SYNE1: variants seen among roughly 807,000 people sequenced by gnomAD.
SYNE1 encodes the protein nesprin-1.
SYNE1 carries 616 observed loss-of-function variants against 1,111.0 expected under a neutral mutation model. The observed-to-expected ratio is 0.55, with a 90% CI of 0.52 to 0.59. The LOEUF (loss-of-function observed/expected upper bound fraction) is 0.59, where lower values mean the gene tolerates loss of function less well. Among genes scored for constraint, SYNE1 ranks in the 20% least tolerant of loss-of-function variants. The pLI, the probability that SYNE1 is intolerant of heterozygous loss-of-function variation, is 0.00. For synonymous variants in SYNE1, 3,855 were observed against 3,825.8 expected (o/e 1.01, Z -0.28); for missense variants, 10,006 against 10,417.0 (o/e 0.96, Z 1.72).
chr6:152,622,319 G>A (rs1352424306), intron 3 of SYNE1, among the ~76,000 whole-genome samples: 7 of 152,028 alleles, frequency 4.6e-5, no homozygotes, highest in Admixed American at 2.6e-4. Flanking sequence ...ATGTTACATA[G>A]GTAAATTTGT....
At chr6:152,585,091 G>C (rs1467419273) in intron 3 of SYNE1, among the ~76,000 whole-genome samples, 1 of 152,122 alleles carries the variant, frequency 6.6e-6, no homozygotes, top group Non-Finnish European at 1.5e-5. Flanking sequence ...AATAGTGAGT[G>C]AGTTCTCATG....
At chr6:152,473,274 T>C (rs12055686) in intron 14 of SYNE1, among the ~76,000 whole-genome samples, 32,233 of 152,068 alleles carry the variant, frequency 0.21, 3,574 homozygotes, top group East Asian at 0.33. Flanking sequence ...GTGTCACTCA[T>C]TGAAAAAGTA....
intron 137 of SYNE1, chr6:152,145,365 A>G: frequency 1.1e-6 from 1 of 895,878 alleles, no homozygotes; most frequent in East Asian, 2.6e-5. Context: ...GCAGTAAGAG[A>G]GGAAGGCTGT....
At chr6:152,161,315 T>C (rs753487245) in intron 131 of SYNE1, among the ~76,000 whole-genome samples, 28 of 147,090 alleles carry the variant, frequency 1.9e-4, no homozygotes, top group Non-Finnish European at 4.0e-4. Flanking sequence ...TTCTCCTCTC[T>C]ATTTTCTTTA....
chr6:152,437,568 T>G (rs973872746), intron 32 of SYNE1, among the ~76,000 whole-genome samples: 3 of 152,084 alleles, frequency 2.0e-5, no homozygotes, highest in African/African-American at 7.2e-5. Flanking sequence ...ATACTTATTT[T>G]CAACTATTTT....
At chr6:152,581,921 A>C (rs1472226806) in intron 3 of SYNE1, among the ~76,000 whole-genome samples, 1 of 151,788 alleles carries the variant, frequency 6.6e-6, no homozygotes, top group Non-Finnish European at 1.5e-5. Flanking sequence ...TCAGAGCTTG[A>C]CTCTGATAAT....
chr6:152,284,819 C>T (rs952585234), intron 95 of SYNE1, among the ~76,000 whole-genome samples: 1 of 151,934 alleles, frequency 6.6e-6, no homozygotes, highest in Non-Finnish European at 1.5e-5. Flanking sequence ...GATTTTCCCA[C>T]ATTAACCTGT....
intron 8 of SYNE1, among the ~76,000 whole-genome samples, chr6:152,507,040 A>T (rs1453829881): frequency 6.6e-6 from 1 of 152,218 alleles, no homozygotes. Context: ...ATTGTAAAGT[A>T]ATCTTGAATC....
intron 78 of SYNE1, 97 bp downstream of exon 78, chr6:152,329,633 T>C (rs937199505): frequency 3.0e-5 from 45 of 1,506,482 alleles, no homozygotes; most frequent in Admixed American, 3.5e-5. Context: ...GAAAGAAATA[T>C]TTAAAGAAGC....
chr6:152,540,178 G>C (rs12528097), intron 3 of SYNE1, among the ~76,000 whole-genome samples, 157 bp from the exon 4 acceptor site: 1 of 152,016 alleles, frequency 6.6e-6, no homozygotes, highest in African/African-American at 2.4e-5. Context: ...AACAAGAGTC[G>C]ATCTACATAA....
At chr6:152,153,357 C>T (rs1166010500) in intron 133 of SYNE1, among the ~76,000 whole-genome samples, 1 of 152,180 alleles carries the variant, frequency 6.6e-6, no homozygotes, top group African/African-American at 2.4e-5. Flanking sequence ...CACCCATGTC[C>T]ATCCCAAACG....
intron 106 of SYNE1, among the ~76,000 whole-genome samples, chr6:152,244,111 A>G (rs2086479917): frequency 6.6e-6 from 1 of 152,172 alleles, no homozygotes; most frequent in South Asian, 2.1e-4. Flanking sequence ...CTTGCCTTAG[A>G]AAAAAACACT....
At position 152,444,511 on chromosome 6, in the gene SYNE1, T is replaced by A. The variant is rs2098558134; in HGVS notation, c.3737A>T (p.Glu1246Val). The change falls in exon 30 of 146, where the codon GAA becomes GTA. Residue 1246 changes from glutamate to valine, a missense_variant. Around this residue, in one of 7 missense-constraint regions of SYNE1, gnomAD observed 1,971 missense variants for 2,084.1 expected, o/e 0.95. Transcript: ENST00000367255. ...TTCTTTAGAGCCAGAAATTAATTCT[T>A]CGAGAGAATTTTTGACTATTTCTTT... is the stretch of plus-strand genomic sequence containing the variant. ...QYKEIVKNSL[E>V]ELISGSKEVQ... 6.2e-7 allele frequency: 1 copy of A among 1,613,734 alleles called. No individual in the cohort carries two copies. Among genetic ancestry groups the A allele is most frequent in the Admixed American group, 1.7e-5 (1 of 59,988 alleles).
intron 3 of SYNE1, among the ~76,000 whole-genome samples, chr6:152,560,501 T>A (rs577106311): frequency 8.5e-5 from 13 of 152,310 alleles, no homozygotes; most frequent in Admixed American, 7.2e-4. Flanking sequence ...GTGAATTCCA[T>A]CAAACATTTA....
Position 152,435,951 on chromosome 6 carries a change from G to A in SYNE1, c.4300C>T (p.Leu1434Phe). Residue 1434 changes from leucine (L) to phenylalanine (F), a missense_variant, in exon 33 of 146, where the codon CTT (leucine) becomes TTT (phenylalanine). Transcript: ENST00000367255. The part of the protein sequence containing the change: ...KEQVKKLEDT[L>F]EEDIKTMEMV... Reference sequence around the variant, plus strand: ...TTGTCAATCACATACTCTTCTTCAAGCGTGTCTTCTAATTTTTTGACTTGT... The same window carrying A: ...TTGTCAATCACATACTCTTCTTCAAACGTGTCTTCTAATTTTTTGACTTGT... The A allele has an allele frequency of 6.2e-7, 1 of 1,614,110 alleles. No homozygotes were observed. The highest frequency in any genetic ancestry group is 8.5e-7 in the Non-Finnish European group (1 of 1,180,002).
chr6:152,187,830 A>AT (rs1250680838), intron 128 of SYNE1, among the ~76,000 whole-genome samples: 1 of 151,916 alleles, frequency 6.6e-6, no homozygotes, highest in Non-Finnish European at 1.5e-5. Context: ...GGTTCAAGTG[A>AT]TTTTCCTGCC....
In SYNE1 at chr6:152,450,918, C is replaced by A. The variant is rs2098642837; in HGVS notation, c.3187-85G>T. Reference sequence around the variant, plus strand: ...TTCACAGAAAAACCAAAGGAAGATTCCCACGCAGACTACCAAGGTAGAGTA... The same window carrying A: ...TTCACAGAAAAACCAAAGGAAGATTACCACGCAGACTACCAAGGTAGAGTA... On this transcript the variant is annotated intron_variant, in intron 26 of 145. Coordinates refer to ENST00000367255, the MANE Select transcript of SYNE1 (RefSeq NM_182961.4). The A allele has an allele frequency of 3.8e-6, 6 of 1,593,768 alleles. No individual in the cohort carries two copies. The Admixed American group carries it at 1.0e-4, about 27-fold the overall frequency.
intron 87 of SYNE1, among the ~76,000 whole-genome samples, chr6:152,311,593 G>A (rs2095548159): frequency 6.6e-6 from 1 of 152,130 alleles, no homozygotes; most frequent in Non-Finnish European, 1.5e-5. Context: ...TCACATCTGA[G>A]CCCAGTCAGA....
chr6:152,122,561 G>T lies in SYNE1; in HGVS notation c.26269C>A (p.Leu8757Ile). The T allele has an allele frequency of 1.2e-6, 2 of 1,614,214 alleles. No individual in the cohort carries two copies. The highest frequency in any genetic ancestry group is 1.7e-6 in the Non-Finnish European group (2 of 1,180,038). The part of the protein sequence containing the change: ...AALPLQLLLL[L>I]LIGLACLVPM... ...ACAAGGCAGGCAAGCCCGATGAGGAGGAGCAGGAGAAGCTGAAGGGGAAGA... is the reference window on the plus strand; with the variant it reads ...ACAAGGCAGGCAAGCCCGATGAGGATGAGCAGGAGAAGCTGAAGGGGAAGA... Residue 8757 changes from leucine to isoleucine, a missense_variant, in exon 146 of 146, where the codon CTC becomes ATC. Coordinates refer to ENST00000367255, the MANE Select transcript of SYNE1 (RefSeq NM_182961.4).
Sources: allele counts gnomAD v4.1 joint callset (sites outside exome capture counted in the v4.1 genomes callset), GRCh38; gene constraint gnomAD v4.1.1; regional missense constraint gnomAD v4.1.1; transcripts MANE v1.5; gene names NCBI Gene and HGNC (gene_info 2026-07-23, HGNC 2026-07-21).